ACSM3: variants seen among roughly 807,000 people sequenced by gnomAD.
The protein encoded by ACSM3 is acyl-CoA synthetase medium chain family member 3.
ACSM3 carries 61 observed loss-of-function variants against 74.1 expected under a neutral mutation model. The observed-to-expected ratio is 0.82, with a 90% confidence interval of 0.67 to 1.02. The LOEUF is 1.02. Among genes scored for constraint, ACSM3 ranks in the 50% least tolerant of loss-of-function variants. The probability of loss-of-function intolerance (pLI) is 0.00; values close to 1 mark genes in which losing one functional copy is unlikely to be tolerated. For synonymous variants in ACSM3, 213 were observed against 241.5 expected (o/e 0.88, Z 1.09); for missense variants, 660 against 697.0 (o/e 0.95, Z 0.60).
rs74543653 is a variant in ACSM3 at position 20,727,208 on chromosome 16, A to G, written c.-189-22702A>G. ...CTAACAATACAGTAGGTGTTCAACAAGTTTTTGTTGAATGAACTTTCCTAA... is the reference window on the plus strand; with the variant it reads ...CTAACAATACAGTAGGTGTTCAACAGGTTTTTGTTGAATGAACTTTCCTAA... On this transcript the variant is annotated intron_variant, in intron 1 of 3. Transcript: ENST00000561584. The G allele has an allele frequency of 1.1e-4, 39 of 363,746 alleles. No individual in the cohort carries two copies. In the East Asian group the frequency reaches 1.9e-3, roughly 17 times the overall value. 22.5% of individuals were successfully genotyped at this position (363,746 alleles called of 1,614,324 possible). A position where few individuals can be genotyped will look rare whatever the true frequency, so the allele number is the denominator to read the frequency against.
chr16:20,785,041 C>A lies in ACSM3; in HGVS notation c.1077C>A (p.Asp359Glu), dbSNP rs139667199. 6.2e-7 allele frequency: 1 copy of A among 1,613,554 alleles called. No individual in the cohort carries two copies. The highest frequency in any genetic ancestry group is 1.3e-5 in the African/African-American group (1 of 74,856). Reference protein sequence around the residue: ...CVSAGEPITPDVTEKWRNKTG... With the variant: ...CVSAGEPITPEVTEKWRNKTG... Reference sequence around the variant, plus strand: ...GTGCTGGGGAACCAATTACCCCTGACGTGACTGAAAAATGGAGAAACAAGA... The same window carrying A: ...GTGCTGGGGAACCAATTACCCCTGAAGTGACTGAAAAATGGAGAAACAAGA... Residue 359 changes from aspartate (D) to glutamate (E), a missense_variant, in exon 8 of 14, where the codon GAC becomes GAA. Coordinates refer to ENST00000289416, the MANE Select transcript of ACSM3 (RefSeq NM_005622.4).
At chr16:20,686,469 G>A (rs1476091031) in intron 1 of ACSM3, among the ~76,000 whole-genome samples, 1 of 152,204 alleles carries the variant, frequency 6.6e-6, no homozygotes, top group East Asian at 1.9e-4. Flanking sequence ...GGGCCAGTCT[G>A]ACGGGTCAGG....
chr16:20,770,095 A>G lies in ACSM3; in HGVS notation c.61A>G (p.Ile21Val), dbSNP rs35496517. The part of the protein sequence containing the change: ...RHAKCFQRLA[I>V]FGSVRALHKD... ...TGCCAAGTGTTTTCAGCGCCTAGCA[A>G]TTTTTGGTTCTGTGAGGGCACTGCA... Residue 21 changes from isoleucine (I) to valine (V), a missense_variant, in exon 2 of 14, where the codon ATT becomes GTT. By Grantham distance (29) the Ile-to-Val change is conservative. Transcript: ENST00000289416. 8.3e-4 allele frequency: 1,332 copies of G among 1,614,140 alleles called. 8 individuals are homozygous for G. In the African/African-American group the frequency reaches 0.015, roughly 18 times the overall value.
At chr16:20,737,769 A>T in intron 1 of ACSM3, 2 of 1,613,914 alleles carry the variant, frequency 1.2e-6, no homozygotes, top group Non-Finnish European at 1.7e-6. Context: ...ATTTGTACAC[A>T]ATCTGAAATG....
At position 20,691,024 on chromosome 16, in the gene ACSM3, T is replaced by C. The variant is rs201620806; in HGVS notation, c.-190+16202T>C. ...TCTCCTTTTGAGCCCAGTAGTCCAG[T>C]ACATAACTTGCAAAGTTAAATTCCT... On this transcript the variant is annotated intron_variant, in intron 1 of 3. Transcript: ENST00000561584. The C allele has an allele frequency of 1.2e-4, 193 of 1,613,652 alleles. 1 individual carries two copies. In the East Asian group the frequency reaches 1.2e-3, roughly 10 times the overall value.
chr16:20,718,431 C>A, intron 1 of ACSM3: 2 of 686,150 alleles, frequency 2.9e-6, no homozygotes, highest in Non-Finnish European at 4.2e-6. Context: ...GGACGACAGG[C>A]TCTCCTAAGA....
intron 1 of ACSM3, chr16:20,674,870 A>C (rs535305021): frequency 4.7e-4 from 72 of 152,380 alleles, no homozygotes; most frequent in African/African-American, 1.6e-3. Flanking sequence ...ATAGGGATGA[A>C]GGTGAGCTTG....
At chr16:20,713,951 G>A (rs1251977464) in intron 1 of ACSM3, among the ~76,000 whole-genome samples, 2 of 152,142 alleles carry the variant, frequency 1.3e-5, no homozygotes, top group Non-Finnish European at 2.9e-5. Context: ...ATTTTACACT[G>A]TTAGAGTTGA....
intron 1 of ACSM3, among the ~76,000 whole-genome samples, chr16:20,723,294 T>A (rs888637700): frequency 6.6e-6 from 1 of 152,112 alleles, no homozygotes; most frequent in Non-Finnish European, 1.5e-5. Context: ...TGTTGGACAT[T>A]TGGGTTGGTT....
At chr16:20,740,005 G>A (rs964867434) in intron 1 of ACSM3, among the ~76,000 whole-genome samples, 3 of 152,140 alleles carry the variant, frequency 2.0e-5, no homozygotes, top group Admixed American at 6.5e-5. Context: ...TGCCTCACAC[G>A]ACACTGTCCT....
At chr16:20,682,346 G>A (rs767010893) in intron 1 of ACSM3, 2 of 1,614,046 alleles carry the variant, frequency 1.2e-6, no homozygotes, top group Non-Finnish European at 1.7e-6. Flanking sequence ...AGAAGCTATG[G>A]AGTCCACCTC....
intron 1 of ACSM3, among the ~76,000 whole-genome samples, chr16:20,695,191 C>T (rs560673738): frequency 6.6e-6 from 1 of 152,272 alleles, no homozygotes; most frequent in East Asian, 1.9e-4. Context: ...AACAGCATGG[C>T]CCTAGAGATC....
chr16:20,736,834 C>T (rs370413553), intron 1 of ACSM3: 11 of 1,580,362 alleles, frequency 7.0e-6, no homozygotes, highest in East Asian at 6.7e-5. Context: ...AGCAACATCT[C>T]GTAGAGCCCC....
chr16:20,690,700 C>T (rs62033285), intron 1 of ACSM3, among the ~76,000 whole-genome samples: 224 of 152,300 alleles, frequency 1.5e-3, no homozygotes, highest in Non-Finnish European at 2.8e-3. Flanking sequence ...GACCTTGTGA[C>T]TAGAACTTTG....
At chr16:20,741,529 C>T (rs1051490067) in intron 1 of ACSM3, 17 of 1,307,658 alleles carry the variant, frequency 1.3e-5, no homozygotes, top group Non-Finnish European at 1.5e-5. Context: ...CCATACATGT[C>T]GTCGCCGTAT....
At chr16:20,796,677 C>T (rs1435551804) in intron 13 of ACSM3, 188 bp downstream of exon 13, 1 of 1,475,480 alleles carries the variant, frequency 6.8e-7, no homozygotes, top group Non-Finnish European at 8.9e-7. Context: ...TTTGTTTGGT[C>T]CTTTGGCTTA....
At chr16:20,750,969 C>T (rs1478531759) in intron 2 of ACSM3, among the ~76,000 whole-genome samples, 1 of 149,440 alleles carries the variant, frequency 6.7e-6, no homozygotes, top group Non-Finnish European at 1.5e-5. Context: ...ATTAGCCACC[C>T]AAGTAGCTGG....
chr16:20,720,324 T>G (rs1320420425), intron 1 of ACSM3, among the ~76,000 whole-genome samples: 1 of 152,188 alleles, frequency 6.6e-6, no homozygotes. Flanking sequence ...CTGGGAGTAA[T>G]GGGAGATAGT....
rs2080575696 is a variant in ACSM3, at chr16:20,790,582, C to T, written c.1225-5C>T. On this transcript the variant is annotated splice_polypyrimidine_tract_variant and splice_region_variant and intron_variant, in intron 9 of 13. Coordinates refer to ENST00000289416, the MANE Select transcript of ACSM3 (RefSeq NM_005622.4). The surrounding 1 kb of genome is among the most constrained non-coding windows in gnomAD (Gnocchi z 4.0). ...CCTTAAATAAATTGTTCTATTTTAT[C>T]CTAGATTGTAGATGTAAATGGCAAT... is the stretch of plus-strand genomic sequence containing the variant. 1 of 1,611,662 alleles carries T rather than the reference C, an allele frequency of 6.2e-7. No individual in the cohort carries two copies.
Sources: gnomAD v4.1 joint callset for allele counts (sites outside exome capture counted in the v4.1 genomes callset) on GRCh38, gnomAD v4.1.1 for gene constraint, Gnocchi (gnomAD v3.1) non-coding constraint, MANE v1.5 for transcripts, NCBI Gene and HGNC (gene_info 2026-07-23, HGNC 2026-07-21) for gene names.